Variants in DAB1 observed in about 807,000 individuals in gnomAD.
DAB1 encodes the protein DAB adaptor protein 1.
Under a neutral mutation model 64.6 loss-of-function variants are expected in DAB1, and 15 were observed. That is an observed-to-expected ratio of 0.23 (90% CI 0.16 to 0.36). The LOEUF (loss-of-function observed/expected upper bound fraction) is 0.36. Ranked by LOEUF, DAB1 falls within the 10% of genes least tolerant of loss-of-function variation. DAB1 has a pLI of 1.00. For missense variants in DAB1, 596 were observed against 706.7 expected, an observed-to-expected ratio of 0.84 and a Z score of 1.78; for synonymous variants, 235 against 251.9, an observed-to-expected ratio of 0.93 and a Z score of 0.64.
chr1:58,326,993 T>C (rs1366038351), intron 4 of DAB1, among the ~76,000 whole-genome samples: 1 of 152,254 alleles, frequency 6.6e-6, no homozygotes, highest in East Asian at 1.9e-4. Context: ...CATATCACTT[T>C]TTAAAGAGAG....
At chr1:57,789,643 C>T (rs1048247089) in intron 6 of DAB1, among the ~76,000 whole-genome samples, 2 of 152,162 alleles carry the variant, frequency 1.3e-5, no homozygotes, top group Non-Finnish European at 2.9e-5. Flanking sequence ...ACCCTTATGA[C>T]CTAATTACCT....
chr1:57,723,702 G>A (rs1399165644), intron 6 of DAB1, among the ~76,000 whole-genome samples: 1 of 152,192 alleles, frequency 6.6e-6, no homozygotes, highest in Non-Finnish European at 1.5e-5. Flanking sequence ...CCTATATGCA[G>A]ATATGTGGTG....
chr1:57,777,693 T>C (rs1478875063), intron 6 of DAB1, among the ~76,000 whole-genome samples: 1 of 152,064 alleles, frequency 6.6e-6, no homozygotes, highest in Non-Finnish European at 1.5e-5. Flanking sequence ...ATGAACATAT[T>C]TATAGTAGCT....
At chr1:58,392,784 G>A (rs958009764) in intron 3 of DAB1, among the ~76,000 whole-genome samples, 4 of 152,170 alleles carry the variant, frequency 2.6e-5, no homozygotes, top group African/African-American at 9.7e-5. Flanking sequence ...ACTGGCTCTT[G>A]GCTAAGGTAC....
intron 2 of DAB1, among the ~76,000 whole-genome samples, chr1:57,173,587 G>T (rs1569737324): frequency 6.6e-6 from 1 of 152,102 alleles, no homozygotes; most frequent in African/African-American, 2.4e-5. Flanking sequence ...TTAGATAAGG[G>T]ATACTCAACC....
At chr1:57,066,514 G>A (rs1245851180) in intron 8 of DAB1, among the ~76,000 whole-genome samples, 2 of 151,954 alleles carry the variant, frequency 1.3e-5, no homozygotes, top group African/African-American at 4.8e-5. Flanking sequence ...GAAAAACCTC[G>A]AAAAAAGAGG....
intron 1 of DAB1, among the ~76,000 whole-genome samples, chr1:57,372,648 G>A (rs1393441259): frequency 6.6e-6 from 1 of 151,880 alleles, no homozygotes; most frequent in Admixed American, 6.6e-5. Flanking sequence ...ATACATCTAA[G>A]CTCCTGTTTT....
At chr1:58,540,612 T>C (rs1037572892) in intron 1 of DAB1, among the ~76,000 whole-genome samples, 1 of 141,680 alleles carries the variant, frequency 7.1e-6, no homozygotes. Flanking sequence ...ACATACTAGA[T>C]GAGACTAACA....
At chr1:57,056,521 G>GA (rs983064351) in intron 9 of DAB1, among the ~76,000 whole-genome samples, 3 of 138,430 alleles carry the variant, frequency 2.2e-5, no homozygotes, top group Non-Finnish European at 3.2e-5. Context: ...AAAAAAAAAA[G>GA]AAAAAAAAGA....
intron 5 of DAB1, among the ~76,000 whole-genome samples, chr1:58,054,690 C>A (rs1647936939): frequency 6.6e-6 from 1 of 152,196 alleles, no homozygotes; most frequent in African/African-American, 2.4e-5. Flanking sequence ...GTAAAAAGCA[C>A]ATTTATTTCC....
chr1:57,567,267 G>A (rs1362200519), intron 7 of DAB1, among the ~76,000 whole-genome samples: 1 of 152,100 alleles, frequency 6.6e-6, no homozygotes, highest in Non-Finnish European at 1.5e-5. Flanking sequence ...GGTATTGATG[G>A]GATGTATCTC....
At chr1:57,162,138 C>A (rs533660673) in intron 2 of DAB1, among the ~76,000 whole-genome samples, 2 of 152,202 alleles carry the variant, frequency 1.3e-5, no homozygotes, top group African/African-American at 4.8e-5. Context: ...GAGCCTTTCA[C>A]GCTTATCAGA....
chr1:58,226,710 T>C (rs1659516311), intron 4 of DAB1, among the ~76,000 whole-genome samples: 1 of 152,246 alleles, frequency 6.6e-6, no homozygotes, highest in Admixed American at 6.5e-5. Context: ...GTCTTTTGTA[T>C]AATCCTTAGG....
intron 3 of DAB1, among the ~76,000 whole-genome samples, chr1:58,362,016 C>T (rs1231166912): frequency 6.6e-6 from 1 of 151,972 alleles, no homozygotes; most frequent in Non-Finnish European, 1.5e-5. Context: ...AGGTGCATGC[C>T]ACCACACCCA....
At position 57,952,847 on chromosome 1, in the gene DAB1, C is replaced by G. The variant is rs181444010; in HGVS notation, n.388-68685G>C. ...GGTGGTTCTGTTTCTGTTAATTGAC[C>G]AGCTGCACAGATGGGAAGTGAGGAT... On this transcript the variant is annotated intron_variant and non_coding_transcript_variant, in intron 5 of 20. Coordinates refer to the DAB1 transcript ENST00000485760. 4.6e-5 allele frequency among the ~76,000 whole-genome samples: 7 copies of G among 152,268 alleles called. No homozygotes were observed. In the East Asian group the frequency reaches 5.8e-4, roughly 13 times the overall value.
intron 7 of DAB1, among the ~76,000 whole-genome samples, chr1:57,467,307 T>C (rs983296765): frequency 6.6e-6 from 1 of 152,202 alleles, no homozygotes; most frequent in Non-Finnish European, 1.5e-5. Context: ...CCTTATACAA[T>C]GCTTAATATA....
chr1:57,913,696 C>T (rs1258554044), intron 5 of DAB1, among the ~76,000 whole-genome samples: 1 of 152,166 alleles, frequency 6.6e-6, no homozygotes, highest in Non-Finnish European at 1.5e-5. Context: ...ATCTACTCAT[C>T]TGACAAAGGG....
chr1:57,718,341 T>C (rs1286530833), intron 6 of DAB1, among the ~76,000 whole-genome samples: 1 of 152,072 alleles, frequency 6.6e-6, no homozygotes, highest in African/African-American at 2.4e-5. Context: ...TAGTCTAGGA[T>C]GGTGGTGGTT....
intron 4 of DAB1, among the ~76,000 whole-genome samples, chr1:58,226,573 C>A (rs1659496414): frequency 6.6e-6 from 1 of 152,142 alleles, no homozygotes. Flanking sequence ...CTCATCAGAG[C>A]AGCTGGAATG....
Sources: gnomAD v4.1 joint callset for allele counts (sites outside exome capture counted in the v4.1 genomes callset) on GRCh38, gnomAD v4.1.1 for gene constraint, MANE v1.5 for transcripts, NCBI Gene and HGNC (gene_info 2026-07-23, HGNC 2026-07-21) for gene names.